Variants in MAP4K3 observed in about 807,000 individuals in gnomAD.
MAP4K3 encodes the protein MAPK/ERK kinase kinase kinase 3.
MAP4K3 carries 94 observed loss-of-function variants against 143.5 expected under a neutral mutation model. The observed-to-expected ratio is 0.65, with a 90% CI of 0.55 to 0.78. The LOEUF is 0.78. Among genes scored for constraint, MAP4K3 ranks in the 30% least tolerant of loss-of-function variants. The pLI, the probability that MAP4K3 is intolerant of heterozygous loss-of-function variation, is 0.00. For missense variants in MAP4K3, 1,077 were observed against 1,068.1 expected (o/e 1.01, Z -0.12); for synonymous variants, 416 against 347.2 (o/e 1.20, Z -2.20).
intron 6 of MAP4K3, among the ~76,000 whole-genome samples, chr2:39,336,620 C>T (rs1664976248): frequency 6.6e-6 from 1 of 150,850 alleles, no homozygotes; most frequent in East Asian, 2.0e-4. Flanking sequence ...AAAACTATAA[C>T]TTGATGAAAG....
chr2:39,290,457 G>GT, intron 18 of MAP4K3, 123 bp from the exon 19 acceptor site: 1 of 634,316 alleles, frequency 1.6e-6, no homozygotes. Flanking sequence ...TTCTAAGATT[G>GT]TAAGTTTTTT....
chr2:39,316,598 A>G (rs766456398), intron 12 of MAP4K3, among the ~76,000 whole-genome samples: 1 of 152,156 alleles, frequency 6.6e-6, no homozygotes, highest in African/African-American at 2.4e-5. Context: ...AGGGATTGCC[A>G]CAAGATTTTG....
intron 1 of MAP4K3, among the ~76,000 whole-genome samples, chr2:39,435,494 C>G (rs1232650437): frequency 1.3e-5 from 2 of 152,188 alleles, no homozygotes; most frequent in African/African-American, 4.8e-5. Flanking sequence ...CTAAGCAACG[C>G]CTAATCATCT....
chr2:39,413,041 G>T (rs1470950783), intron 1 of MAP4K3, among the ~76,000 whole-genome samples: 1 of 152,142 alleles, frequency 6.6e-6, no homozygotes, highest in South Asian at 2.1e-4. Flanking sequence ...AGTGACTAAC[G>T]AGGAGAAACC....
chr2:39,259,870 A>G (rs1680496545), intron 29 of MAP4K3, among the ~76,000 whole-genome samples: 1 of 152,210 alleles, frequency 6.6e-6, no homozygotes, highest in Admixed American at 6.5e-5. Context: ...CGGGTTTCCT[A>G]TACACAGTGT....
At chr2:39,357,140 T>C (rs1665634153) in intron 2 of MAP4K3, among the ~76,000 whole-genome samples, 1 of 152,204 alleles carries the variant, frequency 6.6e-6, no homozygotes, top group African/African-American at 2.4e-5. Flanking sequence ...TTCTCTAAAA[T>C]AAGATCTGGC....
intron 15 of MAP4K3, among the ~76,000 whole-genome samples, chr2:39,304,251 T>TA: frequency 6.6e-6 from 1 of 152,142 alleles, no homozygotes; most frequent in Non-Finnish European, 1.5e-5. Context: ...AGTTGGCATT[T>TA]AAAACAACCA....
chr2:39,293,431 C>T (rs929184351), intron 16 of MAP4K3, among the ~76,000 whole-genome samples, 163 bp from the exon 17 acceptor site: 1 of 152,086 alleles, frequency 6.6e-6, no homozygotes, highest in Non-Finnish European at 1.5e-5. Context: ...CATAAAACAT[C>T]AAGTTATATT....
At chr2:39,426,543 G>A (rs984422655) in intron 1 of MAP4K3, among the ~76,000 whole-genome samples, 3 of 151,766 alleles carry the variant, frequency 2.0e-5, no homozygotes, top group African/African-American at 4.8e-5. Flanking sequence ...GGAGTTTGAT[G>A]TCTGCAACTT....
intron 1 of MAP4K3, among the ~76,000 whole-genome samples, chr2:39,416,277 G>T (rs1401696815): frequency 2.0e-5 from 3 of 151,788 alleles, no homozygotes; most frequent in Admixed American, 6.6e-5. Context: ...ACAGGCTCTG[G>T]TAAAACCAAA....
chr2:39,431,492 C>G (rs944644459), intron 1 of MAP4K3, among the ~76,000 whole-genome samples: 1 of 152,114 alleles, frequency 6.6e-6, no homozygotes, highest in East Asian at 1.9e-4. Context: ...AACCTGGATC[C>G]ATCCCTGAAC....
At chr2:39,383,820 A>C (rs964155647) in intron 1 of MAP4K3, among the ~76,000 whole-genome samples, 1 of 152,184 alleles carries the variant, frequency 6.6e-6, no homozygotes, top group Non-Finnish European at 1.5e-5. Flanking sequence ...TTACTGGTAC[A>C]TAGCCACATG....
chr2:39,353,842 G>A (rs1057397855), intron 3 of MAP4K3, among the ~76,000 whole-genome samples: 1 of 152,052 alleles, frequency 6.6e-6, no homozygotes, highest in African/African-American at 2.4e-5. Context: ...TATTTCACAC[G>A]TAGTTACCCA....
At chr2:39,434,265 A>T (rs1020537565) in intron 1 of MAP4K3, among the ~76,000 whole-genome samples, 1 of 152,234 alleles carries the variant, frequency 6.6e-6, no homozygotes, top group Non-Finnish European at 1.5e-5. Context: ...TGTATAAATA[A>T]GAAAAAACTA....
At chr2:39,337,017 T>G (rs753455790) in intron 5 of MAP4K3, 50 bp from the exon 6 acceptor site, 1 of 940,706 alleles carries the variant, frequency 1.1e-6, no homozygotes, top group Non-Finnish European at 1.6e-6. Context: ...CAAAGAGCAC[T>G]CTTTTGGATT....
At chr2:39,432,169 T>C (rs1468167595) in intron 1 of MAP4K3, among the ~76,000 whole-genome samples, 2 of 152,218 alleles carry the variant, frequency 1.3e-5, no homozygotes, top group African/African-American at 4.8e-5. Context: ...AGCTGTTCAA[T>C]GTATGATGGC....
intron 1 of MAP4K3, among the ~76,000 whole-genome samples, chr2:39,417,804 C>T (rs1362082070): frequency 6.6e-6 from 1 of 152,126 alleles, no homozygotes; most frequent in Non-Finnish European, 1.5e-5. Flanking sequence ...CATTCTCTAA[C>T]AGAAGGAACC....
At chr2:39,420,829 TCTC>T (rs1667526506) in intron 1 of MAP4K3, among the ~76,000 whole-genome samples, 1 of 152,222 alleles carries the variant, frequency 6.6e-6, no homozygotes, top group Admixed American at 6.5e-5. Context: ...GAATTCTTAT[TCTC>T]AGGTGTCCAC....
intron 2 of MAP4K3, among the ~76,000 whole-genome samples, chr2:39,358,348 G>C (rs1006702642): frequency 3.3e-5 from 5 of 152,202 alleles, no homozygotes; most frequent in Non-Finnish European, 5.9e-5. Context: ...GATCAATAAA[G>C]AACTGTTGAC....
Sources: gnomAD v4.1 joint callset for allele counts (sites outside exome capture counted in the v4.1 genomes callset) on GRCh38, gnomAD v4.1.1 for gene constraint, MANE v1.5 for transcripts, NCBI Gene and HGNC (gene_info 2026-07-23, HGNC 2026-07-21) for gene names.